HOMER2: variants seen among roughly 807,000 people sequenced by gnomAD.
The protein encoded by HOMER2 is homer scaffold protein 2, also known as homer protein homolog 2.
A neutral mutation model predicts 47.0 loss-of-function variants in HOMER2; 27 were observed. The observed-to-expected ratio is 0.57, with a 90% confidence interval of 0.42 to 0.79. The LOEUF (loss-of-function observed/expected upper bound fraction) is 0.79, where lower values mean the gene tolerates loss of function less well. Ranked by LOEUF, HOMER2 falls within the 30% of genes least tolerant of loss-of-function variation. The pLI, the probability that HOMER2 is intolerant of heterozygous loss-of-function variation, is 0.00. For missense variants in HOMER2, 443 were observed against 435.0 expected, an observed-to-expected ratio of 1.02 and a Z score of -0.16; for synonymous variants, 161 against 163.8, an observed-to-expected ratio of 0.98 and a Z score of 0.13.
At chr15:82,904,052 G>A (rs1195390010) in intron 1 of HOMER2, among the ~76,000 whole-genome samples, 1 of 152,000 alleles carries the variant, frequency 6.6e-6, no homozygotes, top group Non-Finnish European at 1.5e-5. Context: ...TGGGAGGATC[G>A]CTTGGGCCCG....
intron 3 of HOMER2, among the ~76,000 whole-genome samples, chr15:82,869,839 G>C (rs1389362969): frequency 1.3e-5 from 2 of 152,060 alleles, no homozygotes; most frequent in African/African-American, 4.8e-5. Flanking sequence ...GGATGTTAGG[G>C]CTTTTAAATT....
At chr15:82,846,399 G>A (rs1021297695), downstream of HOMER2, 1 of 152,168 alleles carries the variant, frequency 6.6e-6, no homozygotes. Context: ...AATGTCATTC[G>A]GATTCACATT....
chr15:82,843,321 T>A (rs2051195725), exon 2 of HOMER2: 1 of 151,138 alleles, frequency 6.6e-6, no homozygotes. Context: ...ACACTTGTAG[T>A]CCCAGCTACT....
At chr15:82,957,340 A>C (rs2054595750), upstream of HOMER2, among the ~76,000 whole-genome samples, 1 of 152,082 alleles carries the variant, frequency 6.6e-6, no homozygotes, top group Non-Finnish European at 1.5e-5. Context: ...CTCAGTCCCT[A>C]GTATAGTACA....
At chr15:82,935,692 C>T (rs77498070) in intron 1 of HOMER2, among the ~76,000 whole-genome samples, 1,629 of 152,276 alleles carry the variant, frequency 0.011, 8 homozygotes, top group Non-Finnish European at 0.016. Context: ...AAGGGGCCTT[C>T]TTTATTCTCT....
intron 1 of HOMER2, among the ~76,000 whole-genome samples, chr15:82,980,364 C>G (rs2030351542): frequency 6.6e-6 from 1 of 152,100 alleles, no homozygotes; most frequent in Non-Finnish European, 1.5e-5. Flanking sequence ...AGTTCAGAGC[C>G]CTCTGAAATT....
intron 1 of HOMER2, among the ~76,000 whole-genome samples, chr15:82,917,446 C>G (rs1596352363): frequency 6.6e-6 from 1 of 152,200 alleles, no homozygotes; most frequent in Non-Finnish European, 1.5e-5. Flanking sequence ...CCTGTCCCTC[C>G]TCTCCCAGGG....
chr15:82,877,355 A>G (rs2052385358), intron 2 of HOMER2, among the ~76,000 whole-genome samples: 1 of 152,142 alleles, frequency 6.6e-6, no homozygotes, highest in African/African-American at 2.4e-5. Flanking sequence ...TTTTTAGTAG[A>G]GAAGGGGCTT....
At chr15:82,870,354 A>G (rs1596314340) in intron 3 of HOMER2, among the ~76,000 whole-genome samples, 1 of 152,154 alleles carries the variant, frequency 6.6e-6, no homozygotes, top group South Asian at 2.1e-4. Flanking sequence ...GAAGTCTGCC[A>G]GGGGGGTTGC....
chr15:82,891,940 A>G (rs1287126095), intron 2 of HOMER2, among the ~76,000 whole-genome samples: 1 of 152,148 alleles, frequency 6.6e-6, no homozygotes, highest in East Asian at 1.9e-4. Flanking sequence ...TAATCCATGT[A>G]AAAAATGTAC....
At position 82,904,479 on chromosome 15, in the gene HOMER2, T is replaced by C. The variant is rs1302335744; in HGVS notation, c.6-11638A>G. ...TTTCACAGTGAGCATCAGAGAAAAA[T>C]CCCCTCGTGCTTGAGGCAGGGGGAG... On this transcript the variant is annotated intron_variant, in intron 1 of 8. Transcript: ENST00000450735. Among the ~76,000 whole-genome samples the C allele has an allele frequency of 2.0e-5, 3 of 151,916 alleles. No homozygotes were observed. In the East Asian group the frequency reaches 5.8e-4, roughly 29 times the overall value.
chr15:82,859,115 C>T lies in HOMER2; in HGVS notation c.408G>A (p.Thr136=), dbSNP rs72753991. The change falls in exon 5 of 9, where the codon ACG becomes ACA. Residue 136 remains threonine (T), a synonymous_variant. Transcript: ENST00000450735. The part of the protein sequence containing the change: ...NHSQASSVNG[T]DDEKASHAGP... ...CGGCGTGAGAGGCCTTTTCATCGTC[C>T]GTCCCGTTGACACTGGATGCCTGAG... 5.8e-5 allele frequency: 93 copies of T among 1,613,948 alleles called. No homozygotes were observed. The highest frequency in any genetic ancestry group is 6.9e-5 in the Non-Finnish European group (81 of 1,179,876).
intron 6 of HOMER2, 25 bp downstream of exon 6, chr15:82,854,619 G>T (rs778365059): frequency 6.3e-7 from 1 of 1,599,510 alleles, no homozygotes. Context: ...CTGGCCTCGG[G>T]GCTCACTGCA....
chr15:82,880,730 G>T (rs1353768829), intron 2 of HOMER2, among the ~76,000 whole-genome samples: 1 of 152,144 alleles, frequency 6.6e-6, no homozygotes, highest in South Asian at 2.1e-4. Flanking sequence ...GAGGAGATAC[G>T]AGACTTGAGT....
intron 1 of HOMER2, among the ~76,000 whole-genome samples, chr15:82,983,485 C>A (rs1229629557): frequency 1.3e-5 from 2 of 152,150 alleles, no homozygotes. Context: ...TGTATTTGGG[C>A]TCTGAGTTCA....
intron 1 of HOMER2, among the ~76,000 whole-genome samples, chr15:82,906,094 T>C (rs886439029): frequency 6.6e-6 from 1 of 152,162 alleles, no homozygotes; most frequent in Admixed American, 6.5e-5. Flanking sequence ...TGAAGCAATA[T>C]AGTGTTATCT....
intron 1 of HOMER2, among the ~76,000 whole-genome samples, chr15:82,940,283 C>T (rs2054234485): frequency 6.6e-6 from 1 of 152,158 alleles, no homozygotes; most frequent in South Asian, 2.1e-4. Flanking sequence ...ATAGACAGCA[C>T]TCTGCATAGT....
In HOMER2 at chr15:82,882,257, TC is replaced by T. The variant is rs1201161838; in HGVS notation, c.163-6854del. On this transcript the variant is annotated intron_variant, in intron 2 of 8. Transcript: ENST00000450735. ...CCCTTGGCAGTGACCCTGCTGTCCTTCTGTGGACACAGTACACCTGCCACAG... is the reference window on the plus strand; with the variant it reads ...CCCTTGGCAGTGACCCTGCTGTCCTTTGTGGACACAGTACACCTGCCACAG... Among the ~76,000 whole-genome samples the T allele has an allele frequency of 5.9e-5, 6 of 101,128 alleles. No individual in the cohort carries two copies. The East Asian group carries it at 2.5e-3, about 43-fold the overall frequency. 66.3% of individuals were successfully genotyped at this position (101,128 alleles called of 152,430 possible). A position where few individuals can be genotyped will look rare whatever the true frequency, so the allele number is the denominator to read the frequency against.
intron 1 of HOMER2, among the ~76,000 whole-genome samples, chr15:82,904,337 G>T (rs1194332124): frequency 6.6e-6 from 1 of 152,120 alleles, no homozygotes; most frequent in Admixed American, 6.5e-5. Context: ...CTACAATTGG[G>T]GAATTGCTGA....
Sources: allele counts gnomAD v4.1 joint callset (sites outside exome capture counted in the v4.1 genomes callset), GRCh38; gene constraint gnomAD v4.1.1; transcripts MANE v1.5; gene names NCBI Gene and HGNC (gene_info 2026-07-23, HGNC 2026-07-21).